The following ZNF880 variants were observed in gnomAD, a reference collection of about 807,000 sequenced individuals.
ZNF880 encodes zinc finger protein LOC400713.
In ZNF880, 12 loss-of-function variants were observed where a neutral mutation model predicts 11.8. The observed-to-expected ratio is 1.02, with a 90% CI of 0.65 to 1.65. ZNF880 has a LOEUF of 1.65. Ranked by LOEUF, ZNF880 falls within the 40% of genes most tolerant of loss-of-function variation. The probability of loss-of-function intolerance (pLI) is 0.00; values close to 1 mark genes in which losing one functional copy is unlikely to be tolerated. For synonymous variants in ZNF880, 210 were observed against 232.4 expected (o/e 0.90, Z 0.88); for missense variants, 601 against 673.9 (o/e 0.89, Z 1.20).
upstream of ZNF880, among the ~76,000 whole-genome samples, chr19:52,368,961 G>A (rs184922): frequency 0.8 from 93,699 of 117,482 alleles, 37,519 homozygotes; most frequent in Middle Eastern, 0.87. Flanking sequence ...GAAAGACAGA[G>A]GGAGACCATC....
chr19:52,392,391 C>G, the ZNF880 span, among the ~76,000 whole-genome samples: 13 of 152,300 alleles, frequency 8.5e-5, no homozygotes, highest in African/African-American at 3.1e-4. Context: ...ACCGCCACCT[C>G]CCGGGTTCAA....
At position 52,378,040 on chromosome 19, in the gene ZNF880, G is replaced by T. The variant is rs1319158515; in HGVS notation, c.268+3613G>T. 2.0e-5 allele frequency among the ~76,000 whole-genome samples: 3 copies of T among 152,090 alleles called. No individual in the cohort carries two copies. In the East Asian group the frequency reaches 5.8e-4, roughly 29 times the overall value. On this transcript the variant is annotated intron_variant, in intron 3 of 3. Transcript: ENST00000422689. ...CTCCAGCCCCTCTTCCCTTCCTGGA[G>T]GATAGTGGATAGGGCTGACACTTTC...
Position 52,384,926 on chromosome 19 carries a change from T to C in ZNF880, c.1346T>C (p.Leu449Ser). ...TGTGCCAAGGTCTTCAGGCATAGAT[T>C]ATCCCTAAGCAATCATCAGAGATTT... ...KECAKVFRHR[L>S]SLSNHQRFHT... Residue 449 changes from leucine (L) to serine (S), a missense_variant, in exon 4 of 4, where the codon TTA (leucine) becomes TCA (serine). Coordinates refer to ENST00000422689, the MANE Select transcript of ZNF880 (RefSeq NM_001145434.2). 6.3e-7 allele frequency: 1 copy of C among 1,592,702 alleles called. No homozygotes were observed.
At chr19:52,382,263 C>T (rs1455874791) in intron 3 of ZNF880, among the ~76,000 whole-genome samples, 1 of 151,840 alleles carries the variant, frequency 6.6e-6, no homozygotes, top group Non-Finnish European at 1.5e-5. Flanking sequence ...GGTGACAGAG[C>T]AAGACTCTGT....
chr19:52,378,362 T>G (rs1447276502), intron 3 of ZNF880, among the ~76,000 whole-genome samples: 1 of 152,048 alleles, frequency 6.6e-6, no homozygotes, highest in South Asian at 2.1e-4. Context: ...AAGGATCCTT[T>G]AGGCCGGGGC....
At chr19:52,387,452 CTT>C (rs10646059), downstream of ZNF880, among the ~76,000 whole-genome samples, 3 of 127,300 alleles carry the variant, frequency 2.4e-5, no homozygotes, top group Admixed American at 7.8e-5. Context: ...ATGACAAATA[CTT>C]TTTTTTTTTT....
At chr19:52,376,757 G>T (rs966877431) in intron 3 of ZNF880, among the ~76,000 whole-genome samples, 1 of 151,928 alleles carries the variant, frequency 6.6e-6, no homozygotes, top group South Asian at 2.1e-4. Flanking sequence ...TGATCCACCC[G>T]CCTTGGGCTC....
upstream of ZNF880, among the ~76,000 whole-genome samples, chr19:52,369,362 C>CAA (rs57601492): frequency 3.6e-4 from 41 of 112,432 alleles, no homozygotes; most frequent in East Asian, 2.6e-3. Flanking sequence ...ACTCTGTCTC[C>CAA]AAAAAAAAAA....
intron 2 of ZNF880, 60 bp downstream of exon 2, chr19:52,373,297 G>C (rs1230651978): frequency 9.0e-6 from 14 of 1,547,648 alleles, no homozygotes; most frequent in Non-Finnish European, 1.2e-5. Flanking sequence ...GCATTTTGTC[G>C]TGTGCCTCTT....
intron 3 of ZNF880, among the ~76,000 whole-genome samples, chr19:52,378,415 C>G (rs1375676640): frequency 6.6e-6 from 1 of 151,608 alleles, no homozygotes; most frequent in East Asian, 2.0e-4. Context: ...GAGGCTAGGG[C>G]AGGCGGATCA....
the ZNF880 span, among the ~76,000 whole-genome samples, chr19:52,393,324 C>A: frequency 6.6e-6 from 1 of 152,022 alleles, no homozygotes. Context: ...CTGCCCGCCT[C>A]AGCCTCCCAA....
upstream of ZNF880, among the ~76,000 whole-genome samples, chr19:52,368,384 G>C (rs1303804309): frequency 6.6e-6 from 1 of 152,050 alleles, no homozygotes; most frequent in Non-Finnish European, 1.5e-5. Flanking sequence ...CAACTCTTTT[G>C]GTAATTTGAA....
chr19:52,393,456 A>G, the ZNF880 span, among the ~76,000 whole-genome samples: 17 of 152,038 alleles, frequency 1.1e-4, no homozygotes, highest in South Asian at 6.2e-4. Flanking sequence ...GACAATGACA[A>G]ATACAAACTA....
chr19:52,377,927 T>G (rs1038758052), intron 3 of ZNF880, among the ~76,000 whole-genome samples: 1 of 152,110 alleles, frequency 6.6e-6, no homozygotes, highest in African/African-American at 2.4e-5. Flanking sequence ...CTCACTGCAA[T>G]CTCCGCCTCC....
In ZNF880 at chr19:52,385,076, A is replaced by T; in HGVS notation, c.1496A>T (p.Lys499Ile). ...CCTTACAAATGCAGTGAATGTCACA[A>T]AGTCTTTAGTCACAATTCACACCTT... ...EKPYKCSECH[K>I]VFSHNSHLAR... The change falls in exon 4 of 4, where the codon AAA (lysine) becomes ATA (isoleucine). Residue 499 changes from lysine to isoleucine, a missense_variant. Physicochemically the swap from Lys to Ile is moderately radical, Grantham distance 102. Coordinates refer to ENST00000422689, the MANE Select transcript of ZNF880 (RefSeq NM_001145434.2). 1 of 1,562,468 alleles carries T rather than the reference A, an allele frequency of 6.4e-7. No homozygotes were observed. The highest frequency in any genetic ancestry group is 1.2e-5 in the South Asian group (1 of 84,916).
chr19:52,385,381 G>A lies in ZNF880; in HGVS notation c.*67G>A. ...ACAGCATGAGATAATTCATTCATGAGAGAGTTCTTACAAACTGAGTATGGC... is the reference window on the plus strand; with the variant it reads ...ACAGCATGAGATAATTCATTCATGAAAGAGTTCTTACAAACTGAGTATGGC... On this transcript the variant is annotated 3_prime_UTR_variant, in exon 4 of 4. Coordinates refer to ENST00000422689, the MANE Select transcript of ZNF880 (RefSeq NM_001145434.2). The A allele has an allele frequency of 6.7e-7, 1 of 1,492,288 alleles. No homozygotes were observed. The highest frequency in any genetic ancestry group is 9.0e-7 in the Non-Finnish European group (1 of 1,108,004). The allele number at this position is 1,492,288 out of a possible 1,614,324, so 92.4% of individuals were successfully genotyped here.
At chr19:52,370,097 AAACTC>A (rs1986318958) in intron 1 of ZNF880, 120 bp downstream of exon 1, 9 of 1,305,096 alleles carry the variant, frequency 6.9e-6, no homozygotes, top group Admixed American at 6.0e-5. Context: ...CACCCCGACT[AAACTC>A]AGACGTTCTA....
chr19:52,391,556 T>C, the ZNF880 span: 1 of 151,510 alleles, frequency 6.6e-6, no homozygotes, highest in African/African-American at 2.4e-5. Context: ...GAGAGGTAGG[T>C]AGAGAAACAC....
chr19:52,393,292 C>T, the ZNF880 span, among the ~76,000 whole-genome samples: 44 of 151,370 alleles, frequency 2.9e-4, no homozygotes, highest in Admixed American at 2.6e-3. Flanking sequence ...AGGCTGGTCT[C>T]GAACTGCTGT....
Sources: allele counts gnomAD v4.1 joint callset (sites outside exome capture counted in the v4.1 genomes callset), GRCh38; gene constraint gnomAD v4.1.1; transcripts MANE v1.5; gene names NCBI Gene and HGNC (gene_info 2026-07-23, HGNC 2026-07-21).